Variants in FOXP2 observed in about 807,000 individuals in gnomAD.
FOXP2 encodes forkhead box P2, also known as forkhead box protein P2.
Under a neutral mutation model 115.8 loss-of-function variants are expected in FOXP2, and 12 were observed. The observed-to-expected ratio is 0.10, with a 90% confidence interval of 0.07 to 0.17. FOXP2 has a LOEUF of 0.17. Ranked by LOEUF, FOXP2 falls within the 10% of genes least tolerant of loss-of-function variation. The pLI, the probability that FOXP2 is intolerant of heterozygous loss-of-function variation, is 1.00. For synonymous variants in FOXP2, 328 were observed against 297.7 expected, an observed-to-expected ratio of 1.10 and a Z score of -1.05; for missense variants, 629 against 843.5, an observed-to-expected ratio of 0.75 and a Z score of 3.15.
chr7:114,501,956 C>A (rs1269617101), intron 2 of FOXP2, among the ~76,000 whole-genome samples: 1 of 151,838 alleles, frequency 6.6e-6, no homozygotes, highest in African/African-American at 2.4e-5. Context: ...CTTTGGTAGC[C>A]TTTTCTTATT....
chr7:114,621,825 C>T (rs1804272738), intron 3 of FOXP2, among the ~76,000 whole-genome samples: 1 of 151,986 alleles, frequency 6.6e-6, no homozygotes, highest in African/African-American at 2.4e-5. Flanking sequence ...TATCAATAAA[C>T]ACTTAAAAAT....
At position 114,304,011 on chromosome 7, in the gene FOXP2, A is replaced by G. The variant is rs189175804; in HGVS notation, c.-11+15902A>G. Among the ~76,000 whole-genome samples, 16 of 152,270 alleles carry G rather than the reference A, an allele frequency of 1.1e-4. No individual in the cohort carries two copies. In the East Asian group the frequency reaches 1.5e-3, roughly 15 times the overall value. ...GCAAATACTTAACAGAAGGAATTCA[A>G]ATGCAATTATAATTAGATAACATAG... On this transcript the variant is annotated intron_variant, in intron 2 of 17. Coordinates refer to the FOXP2 transcript ENST00000634411.
intron 3 of FOXP2, among the ~76,000 whole-genome samples, chr7:114,601,919 G>A (rs899030805): frequency 1.4e-4 from 21 of 151,830 alleles, no homozygotes; most frequent in African/African-American, 4.8e-4. Flanking sequence ...GTATATATTT[G>A]CCATCATTTT....
rs1376361968 is a variant in FOXP2, at chr7:114,414,984, A to G, written c.-387A>G. 2.3e-6 allele frequency: 1 copy of G among 430,866 alleles called. No homozygotes were observed. Among genetic ancestry groups the G allele is most frequent in the East Asian group, 7.1e-5 (1 of 14,176 alleles). The allele number at this position is 430,866 out of a possible 1,614,324, so 26.7% of individuals were successfully genotyped here. A position where few individuals can be genotyped will look rare whatever the true frequency, so the allele number is the denominator to read the frequency against. On this transcript the variant is annotated 5_prime_UTR_variant, in exon 1 of 17. It removes an upstream start codon present in the reference 5' UTR. Coordinates refer to ENST00000350908, the MANE Select transcript of FOXP2 (RefSeq NM_014491.4). Reference sequence around the variant, plus strand: ...TTACTTTAGAAAGATTATGGTAAGCATGCTGGCTCAGTCTTGAACCTTTGT... The same window carrying G: ...TTACTTTAGAAAGATTATGGTAAGCGTGCTGGCTCAGTCTTGAACCTTTGT...
rs559997081 is a variant in FOXP2, at chr7:114,347,567, C to T, written c.-11+59458C>T. ...ATATAAGATTGTATAAAAAGGAAGT[C>T]TTAGAAAATTTCTCCAAATAATAGA... On this transcript the variant is annotated intron_variant, in intron 2 of 17. Transcript: ENST00000634411. Among the ~76,000 whole-genome samples the T allele has an allele frequency of 6.6e-5, 10 of 152,006 alleles. No homozygotes were observed. In the South Asian group the frequency reaches 2.1e-3, roughly 32 times the overall value.
In FOXP2 at chr7:114,415,297, C is replaced by A. The variant is rs1212852967; in HGVS notation, c.-74C>A. Reference sequence around the variant, plus strand: ...GCTTTTTTGAATCTTCCTAATTTTTCATCTCTTTAACAAACTCCTATGAAG... The same window carrying A: ...GCTTTTTTGAATCTTCCTAATTTTTAATCTCTTTAACAAACTCCTATGAAG... On this transcript the variant is annotated 5_prime_UTR_variant, in exon 1 of 17. Coordinates refer to ENST00000350908, the MANE Select transcript of FOXP2 (RefSeq NM_014491.4). 2 of 453,530 alleles carry A rather than the reference C, an allele frequency of 4.4e-6. No homozygotes were observed. Among genetic ancestry groups the A allele is most frequent in the Admixed American group, 2.4e-5 (1 of 42,466 alleles). 28.1% of individuals were successfully genotyped at this position (453,530 alleles called of 1,614,324 possible). A position where few individuals can be genotyped will look rare whatever the true frequency, so the allele number is the denominator to read the frequency against.
chr7:114,415,528 G>C (rs1793300522), intron 1 of FOXP2, among the ~76,000 whole-genome samples, 168 bp downstream of exon 1: 3 of 151,602 alleles, frequency 2.0e-5, no homozygotes, highest in Admixed American at 2.0e-4. Context: ...GGAAAAGCCG[G>C]GAGACCAGAC....
intron 2 of FOXP2, among the ~76,000 whole-genome samples, chr7:114,301,951 C>T (rs944326137): frequency 6.6e-5 from 10 of 152,074 alleles, no homozygotes; most frequent in African/African-American, 2.4e-4. Flanking sequence ...TCACCCATCA[C>T]TATATGACAA....
intron 3 of FOXP2, among the ~76,000 whole-genome samples, chr7:114,594,582 A>G (rs1231638305): frequency 6.6e-6 from 1 of 152,092 alleles, no homozygotes; most frequent in Non-Finnish European, 1.5e-5. Context: ...AAACAACAAA[A>G]AAATAGTATG....
chr7:114,254,340 G>A lies in FOXP2; in HGVS notation c.-101-33679G>A, dbSNP rs185594628. Among the ~76,000 whole-genome samples the A allele has an allele frequency of 2.1e-4, 32 of 152,254 alleles. No individual in the cohort carries two copies. In the East Asian group the frequency reaches 6.2e-3, roughly 29 times the overall value. ...ATTTCCTGAATTTGAATGTTGGCCT[G>A]CCATGCTAGGTTGGGGAAGTTCTCC... On this transcript the variant is annotated intron_variant, in intron 1 of 17. Transcript: ENST00000634411.
intron 1 of FOXP2, among the ~76,000 whole-genome samples, chr7:114,267,598 G>T (rs1795924152): frequency 6.6e-6 from 1 of 151,620 alleles, no homozygotes; most frequent in Non-Finnish European, 1.5e-5. Flanking sequence ...GTGGTGGTGG[G>T]TGCCTGTAGT....
At chr7:114,122,310 A>G (rs1022150676) in intron 1 of FOXP2, among the ~76,000 whole-genome samples, 2 of 151,974 alleles carry the variant, frequency 1.3e-5, no homozygotes, top group Admixed American at 1.3e-4. Flanking sequence ...AATATAGTAG[A>G]GTTTTTAAGT....
chr7:114,672,370 A>ACCTC (rs1807533794), intron 16 of FOXP2, among the ~76,000 whole-genome samples: 1 of 152,170 alleles, frequency 6.6e-6, no homozygotes, highest in Admixed American at 6.5e-5. Context: ...AGATCACCTG[A>ACCTC]GGTCAGGAGT....
At chr7:114,106,652 C>T (rs528524786) in intron 1 of FOXP2, among the ~76,000 whole-genome samples, 2 of 152,006 alleles carry the variant, frequency 1.3e-5, no homozygotes, top group South Asian at 2.1e-4. Context: ...GTTTAGATGT[C>T]GGATACTGTC....
chr7:114,086,633 C>A, upstream of FOXP2: 2 of 389,630 alleles, frequency 5.1e-6, no homozygotes, highest in Non-Finnish European at 1.0e-5. Flanking sequence ...GGCCCTCACT[C>A]TGGCGCGCTA....
At chr7:114,280,630 GT>G (rs1344002765) in intron 1 of FOXP2, among the ~76,000 whole-genome samples, 3 of 151,996 alleles carry the variant, frequency 2.0e-5, no homozygotes, top group African/African-American at 7.2e-5. Context: ...AAGTTTAAAT[GT>G]CGTCAAAATT....
chr7:114,311,103 C>T (rs1244197856), intron 2 of FOXP2, among the ~76,000 whole-genome samples: 1 of 152,072 alleles, frequency 6.6e-6, no homozygotes, highest in African/African-American at 2.4e-5. Context: ...TAGGAGACTG[C>T]CTTTCCCTGG....
chr7:114,415,466 T>C, intron 1 of FOXP2, 106 bp downstream of exon 1: 1 of 364,166 alleles, frequency 2.7e-6, no homozygotes. Context: ...TTTTTTTTTT[T>C]CTGAGACTGT....
chr7:114,556,377 C>T (rs1800453061), intron 3 of FOXP2, among the ~76,000 whole-genome samples: 1 of 152,110 alleles, frequency 6.6e-6, no homozygotes, highest in Non-Finnish European at 1.5e-5. Flanking sequence ...GATCCAAGGG[C>T]TGCTGCTGCT....
Sources: allele counts gnomAD v4.1 joint callset (sites outside exome capture counted in the v4.1 genomes callset), GRCh38; gene constraint gnomAD v4.1.1; transcripts MANE v1.5; gene names NCBI Gene and HGNC (gene_info 2026-07-23, HGNC 2026-07-21).